KIAA0319: variants seen among roughly 807,000 people sequenced by gnomAD.
KIAA0319 encodes KIAA0319, also known as dyslexia-associated protein KIAA0319.
KIAA0319 carries 83 observed loss-of-function variants against 108.4 expected under a neutral mutation model. The ratio of observed to expected loss-of-function variants is 0.77; its 90% CI spans 0.64 to 0.92. The LOEUF is 0.92. KIAA0319 is among the 40% of genes least tolerant of loss of function. The probability of loss-of-function intolerance (pLI) is 0.00; values close to 1 mark genes in which losing one functional copy is unlikely to be tolerated. For missense variants in KIAA0319, 1,195 were observed against 1,322.4 expected (o/e 0.90, Z 1.49); for synonymous variants, 484 against 510.4 (o/e 0.95, Z 0.70).
Position 24,549,326 on chromosome 6 carries a change from C to CAAAA in KIAA0319, c.3041-1987_3041-1984dup, listed in dbSNP as rs35975247. On this transcript the variant is annotated intron_variant, in intron 20 of 20. Coordinates refer to ENST00000378214, the MANE Select transcript of KIAA0319 (RefSeq NM_014809.4). ...GGGGGATAGAGCAAGACTCTGTCTC[C>CAAAA]AAAAAAAAAAAAAAAAAAAGAGGCA... Among the ~76,000 whole-genome samples, 78 of 115,520 alleles carry CAAAA rather than the reference C, an allele frequency of 6.8e-4. 2 individuals are homozygous for CAAAA. Among genetic ancestry groups the CAAAA allele is most frequent in the African/African-American group, 1.6e-3 (49 of 30,938 alleles). 75.8% of individuals were successfully genotyped at this position (115,520 alleles called of 152,430 possible). A position where few individuals can be genotyped will look rare whatever the true frequency, so the allele number is the denominator to read the frequency against.
Position 24,595,894 on chromosome 6 carries a change from G to A in KIAA0319, c.780C>T (p.Ser260=). ...TCACCTCTTTTCCAGAGCTGTTGCT[G>A]GATTGTTCCTGGAGCTGAGAAGCCT... ...KEKASQLQEQ[S]SNSSGKEVLM... is the part of the protein sequence containing the mutation. Residue 260 remains serine (S), a synonymous_variant, in exon 3 of 21, where the codon TCC becomes TCT. Coordinates refer to ENST00000378214, the MANE Select transcript of KIAA0319 (RefSeq NM_014809.4). 6.2e-7 allele frequency: 1 copy of A among 1,607,032 alleles called. No homozygotes were observed. The highest frequency in any genetic ancestry group is 8.5e-7 in the Non-Finnish European group (1 of 1,176,322).
intron 1 of KIAA0319, among the ~76,000 whole-genome samples, chr6:24,621,687 C>A (rs747717402): frequency 6.6e-6 from 1 of 152,114 alleles, no homozygotes; most frequent in Non-Finnish European, 1.5e-5. Flanking sequence ...CATAACAACA[C>A]AGGAAAATAA....
Position 24,620,490 on chromosome 6 carries a change from G to A in KIAA0319, c.-105-19282C>T, listed in dbSNP as rs549530254. ...TAATTTTTATATTTTTAGTAGAGAC[G>A]GGGTTTCACCATGTTGGCCAGGCTG... On this transcript the variant is annotated intron_variant, in intron 1 of 20. Coordinates refer to ENST00000378214, the MANE Select transcript of KIAA0319 (RefSeq NM_014809.4). 3.9e-5 allele frequency among the ~76,000 whole-genome samples: 6 copies of A among 152,162 alleles called. No individual in the cohort carries two copies. In the South Asian group the frequency reaches 1.0e-3, roughly 26 times the overall value.
In KIAA0319 at chr6:24,576,574, C is replaced by T. The variant is rs761173574; in HGVS notation, c.1528G>A (p.Gly510Arg). ...GCTGCAGTTGTAGAGTTAGTGGCTC[C>T]GTCCGAGTCTGTAACAGTCAACCTA... The part of the protein sequence containing the change: ...SFRLTVTDSD[G>R]ATNSTTAALI... The change falls in exon 10 of 21, where the codon GGA (glycine) becomes AGA (arginine). Residue 510 changes from glycine (G) to arginine (R), a missense_variant. By Grantham distance (125) the Gly-to-Arg change is moderately radical. Coordinates refer to ENST00000378214, the MANE Select transcript of KIAA0319 (RefSeq NM_014809.4). 2.6e-5 allele frequency: 42 copies of T among 1,613,854 alleles called. No individual in the cohort carries two copies. In the Admixed American group the frequency reaches 5.3e-4, roughly 21 times the overall value.
rs1025191524 is a variant in KIAA0319 at position 24,545,494 on chromosome 6, G to A, written c.*1671C>T. On this transcript the variant is annotated 3_prime_UTR_variant, in exon 21 of 21. Coordinates refer to ENST00000378214, the MANE Select transcript of KIAA0319 (RefSeq NM_014809.4). The stretch of plus-strand genomic sequence containing the variant: ...AACCATAACCCTGGTCACCTGATAA[G>A]GCAGATTCTAGGCTTATGAAGCTCA... 1 of 152,050 alleles carries A rather than the reference G, an allele frequency of 6.6e-6. No individual in the cohort carries two copies. The highest frequency in any genetic ancestry group is 1.9e-4 in the East Asian group (1 of 5,174). The allele number at this position is 152,050 out of a possible 1,614,324, so 9.4% of individuals were successfully genotyped here.
chr6:24,586,786 CT>C (rs2127497071), intron 4 of KIAA0319, among the ~76,000 whole-genome samples: 1 of 152,086 alleles, frequency 6.6e-6, no homozygotes, highest in African/African-American at 2.4e-5. Flanking sequence ...TAGCCTAGAA[CT>C]TAGAAGGGTA....
At chr6:24,611,706 G>C (rs1772338528) in intron 1 of KIAA0319, among the ~76,000 whole-genome samples, 1 of 152,126 alleles carries the variant, frequency 6.6e-6, no homozygotes, top group Non-Finnish European at 1.5e-5. Flanking sequence ...GAAAAAGTCT[G>C]TCAACAGACA....
chr6:24,562,584 A>T (rs1304012293), intron 16 of KIAA0319, among the ~76,000 whole-genome samples: 2 of 152,228 alleles, frequency 1.3e-5, no homozygotes, highest in Non-Finnish European at 1.5e-5. Context: ...TCACACTTAT[A>T]ATCCCAGCAC....
intron 1 of KIAA0319, among the ~76,000 whole-genome samples, chr6:24,611,702 G>C (rs570558246): frequency 4.6e-5 from 7 of 152,192 alleles, no homozygotes; most frequent in African/African-American, 1.4e-4. Flanking sequence ...AATAGAAAAA[G>C]TCTGTCAACA....
chr6:24,631,002 T>C (rs1775511521), intron 1 of KIAA0319, among the ~76,000 whole-genome samples: 1 of 152,234 alleles, frequency 6.6e-6, no homozygotes, highest in Non-Finnish European at 1.5e-5. Context: ...ACAGATTGTC[T>C]GCATAGCATT....
intron 8 of KIAA0319, among the ~76,000 whole-genome samples, chr6:24,578,695 A>T (rs1328326683): frequency 6.6e-6 from 1 of 152,254 alleles, no homozygotes; most frequent in Non-Finnish European, 1.5e-5. Context: ...ATCCAGAGAA[A>T]GCTCACAGCC....
chr6:24,600,688 G>A lies in KIAA0319; in HGVS notation c.55+361C>T, dbSNP rs1770492735. 3.3e-6 allele frequency: 5 copies of A among 1,532,064 alleles called. No homozygotes were observed. The East Asian group carries it at 9.8e-5, about 30-fold the overall frequency. The allele number at this position is 1,532,064 out of a possible 1,614,324, so 94.9% of individuals were successfully genotyped here. A position where few individuals can be genotyped will look rare whatever the true frequency, so the allele number is the denominator to read the frequency against. ...TGCTCACCAGTGATTTTTTTGCCAT[G>A]AGTGCATCCACCATAAGCAAACTGA... On this transcript the variant is annotated intron_variant, in intron 2 of 20. Transcript: ENST00000378214.
At chr6:24,617,327 T>TAC (rs1773291379) in intron 1 of KIAA0319, among the ~76,000 whole-genome samples, 1 of 151,970 alleles carries the variant, frequency 6.6e-6, no homozygotes, top group Admixed American at 6.6e-5. Context: ...ATATGAAAAA[T>TAC]ACAGCTTATA....
At position 24,554,615 on chromosome 6, in the gene KIAA0319, A is replaced by G. The variant is rs1581893933; in HGVS notation, c.2874T>C (p.Tyr958=). Residue 958 remains tyrosine, a synonymous_variant, in exon 19 of 21, where the codon TAT becomes TAC. Coordinates refer to ENST00000378214, the MANE Select transcript of KIAA0319 (RefSeq NM_014809.4). ...GESNCEWSIF[Y]VTVLAFTLIV... ...TAAGAGTAAAAGCCAACACTGTCACATAGAATATACTCCACTCTGAAACAC... is the reference window on the plus strand; with the variant it reads ...TAAGAGTAAAAGCCAACACTGTCACGTAGAATATACTCCACTCTGAAACAC... The G allele has an allele frequency of 6.2e-7, 1 of 1,613,436 alleles. No individual in the cohort carries two copies. Among genetic ancestry groups the G allele is most frequent in the Non-Finnish European group, 8.5e-7 (1 of 1,179,486 alleles).
chr6:24,600,652 T>A, intron 2 of KIAA0319: 3 of 1,535,312 alleles, frequency 2.0e-6, no homozygotes, highest in Non-Finnish European at 2.6e-6. Flanking sequence ...GTCATGGGTC[T>A]TCTTAAATGA....
At chr6:24,582,002 C>T (rs191819446) in intron 6 of KIAA0319, among the ~76,000 whole-genome samples, 172 of 152,208 alleles carry the variant, frequency 1.1e-3, no homozygotes, top group Non-Finnish European at 9.7e-4. Context: ...AAAAATTAGC[C>T]GGGTGTGGTG....
chr6:24,552,298 T>C (rs1324420936), intron 19 of KIAA0319, among the ~76,000 whole-genome samples: 1 of 152,212 alleles, frequency 6.6e-6, no homozygotes, highest in Non-Finnish European at 1.5e-5. Flanking sequence ...TCTCACATGG[T>C]TGATGAGAGG....
intron 1 of KIAA0319, among the ~76,000 whole-genome samples, chr6:24,607,679 A>G (rs986559795): frequency 2.6e-5 from 4 of 152,352 alleles, no homozygotes; most frequent in Admixed American, 2.6e-4. Flanking sequence ...CTTCAACTAA[A>G]TTGTAAACTT....
chr6:24,557,366 G>A (rs1378137744), intron 17 of KIAA0319, among the ~76,000 whole-genome samples: 1 of 152,030 alleles, frequency 6.6e-6, no homozygotes. Flanking sequence ...AGCTGGGCGT[G>A]ATGGTGTGCG....
Sources: gnomAD v4.1 joint callset for allele counts (sites outside exome capture counted in the v4.1 genomes callset) on GRCh38, gnomAD v4.1.1 for gene constraint, MANE v1.5 for transcripts, NCBI Gene and HGNC (gene_info 2026-07-23, HGNC 2026-07-21) for gene names.